RBFOX1: variants seen among roughly 807,000 people sequenced by gnomAD.
RBFOX1 encodes RNA binding protein fox-1 homolog 1.
RBFOX1 carries 8 observed loss-of-function variants against 57.7 expected under a neutral mutation model. The observed-to-expected ratio is 0.14, with a 90% CI of 0.08 to 0.25. RBFOX1 has a LOEUF of 0.25. Ranked by LOEUF, RBFOX1 falls within the 10% of genes least tolerant of loss-of-function variation. RBFOX1 has a pLI of 1.00. For missense variants in RBFOX1, 611 were observed against 548.5 expected, an observed-to-expected ratio of 1.11 and a Z score of -1.14; for synonymous variants, 326 against 222.4, an observed-to-expected ratio of 1.47 and a Z score of -4.15.
intron 4 of RBFOX1, among the ~76,000 whole-genome samples, chr16:5,961,512 A>T (rs554550547): frequency 2.6e-5 from 4 of 152,032 alleles, no homozygotes; most frequent in South Asian, 4.2e-4. Flanking sequence ...CAATAGTTTA[A>T]TTTTTTAATT....
chr16:7,208,881 A>C (rs917934168), intron 4 of RBFOX1, among the ~76,000 whole-genome samples: 2 of 152,052 alleles, frequency 1.3e-5, no homozygotes, highest in African/African-American at 4.8e-5. Context: ...CAGTTCTCCT[A>C]AGGACTAAGA....
intron 1 of RBFOX1, among the ~76,000 whole-genome samples, chr16:5,424,913 TTCTTTC>T (rs1567489843): frequency 3.2e-5 from 4 of 123,496 alleles, no homozygotes; most frequent in South Asian, 2.6e-4. Flanking sequence ...CTTTCTTTCT[TTCTTTC>T]TTTCTTTCTT....
chr16:5,633,245 T>C (rs1452752369), intron 3 of RBFOX1, among the ~76,000 whole-genome samples: 1 of 152,066 alleles, frequency 6.6e-6, no homozygotes, highest in Non-Finnish European at 1.5e-5. Context: ...CCAACAACTC[T>C]TTTACATCAG....
At chr16:7,026,482 C>A (rs921963100) in intron 3 of RBFOX1, among the ~76,000 whole-genome samples, 3 of 152,036 alleles carry the variant, frequency 2.0e-5, no homozygotes, top group African/African-American at 7.2e-5. Flanking sequence ...TTTCACACTT[C>A]CAATCTGCCT....
chr16:6,010,564 T>C (rs372779406), intron 4 of RBFOX1, among the ~76,000 whole-genome samples: 114 of 152,304 alleles, frequency 7.5e-4, no homozygotes, highest in Admixed American at 7.2e-4. Context: ...CAAATACTTA[T>C]CTCATGGTCG....
At chr16:5,785,356 T>C (rs1028500221) in intron 3 of RBFOX1, among the ~76,000 whole-genome samples, 19 of 152,086 alleles carry the variant, frequency 1.2e-4, no homozygotes, top group Admixed American at 2.0e-4. Flanking sequence ...AATTCTGAGC[T>C]TCTGCATCCC....
intron 4 of RBFOX1, among the ~76,000 whole-genome samples, chr16:7,094,795 G>GTGTGTGT (rs1567232876): frequency 3.4e-4 from 28 of 82,344 alleles, no homozygotes; most frequent in Non-Finnish European, 1.3e-4. Context: ...TGTGTGTTGA[G>GTGTGTGT]AGAGAGAGAG....
chr16:5,743,218 A>G (rs1377317230), intron 3 of RBFOX1, among the ~76,000 whole-genome samples: 1 of 152,226 alleles, frequency 6.6e-6, no homozygotes, highest in Non-Finnish European at 1.5e-5. Context: ...CTGAACAAAT[A>G]GAAGGCAGAA....
chr16:7,162,967 C>T (rs1432998335), intron 4 of RBFOX1, among the ~76,000 whole-genome samples: 2 of 152,096 alleles, frequency 1.3e-5, no homozygotes, highest in Admixed American at 1.3e-4. Flanking sequence ...GACCTTGGGC[C>T]AGTCACCTGG....
chr16:5,557,775 G>T (rs2045735235), intron 2 of RBFOX1, among the ~76,000 whole-genome samples: 1 of 152,192 alleles, frequency 6.6e-6, no homozygotes, highest in South Asian at 2.1e-4. Context: ...GAAGACCCAT[G>T]GCTGTAAGTG....
intron 15 of RBFOX1, chr16:7,709,593 C>G: frequency 6.5e-7 from 1 of 1,531,310 alleles, no homozygotes; most frequent in Non-Finnish European, 8.7e-7. Flanking sequence ...CCTCTCCTCC[C>G]CTATTACAAT....
At chr16:5,677,031 A>C (rs963235554) in intron 3 of RBFOX1, among the ~76,000 whole-genome samples, 1 of 152,346 alleles carries the variant, frequency 6.6e-6, no homozygotes, top group Non-Finnish European at 1.5e-5. Context: ...TTTCTTTTAG[A>C]AAATCAACTA....
intron 12 of RBFOX1, among the ~76,000 whole-genome samples, chr16:7,664,159 T>G (rs1319090708): frequency 6.6e-6 from 1 of 152,238 alleles, no homozygotes. Flanking sequence ...TAAATAAGTA[T>G]ACACATGCAT....
intron 4 of RBFOX1, among the ~76,000 whole-genome samples, chr16:7,379,286 T>G (rs1203009835): frequency 1.3e-5 from 2 of 152,226 alleles, no homozygotes; most frequent in Non-Finnish European, 2.9e-5. Context: ...CCCTGCCTCT[T>G]TCTGTCCAAA....
Position 6,613,376 on chromosome 16 carries a change from A to G in RBFOX1, c.-63-41227A>G, listed in dbSNP as rs2098095697. Among the ~76,000 whole-genome samples the G allele has an allele frequency of 2.6e-5, 4 of 152,198 alleles. No homozygotes were observed. The South Asian group carries it at 8.3e-4, about 32-fold the overall frequency. Reference sequence around the variant, plus strand: ...GGTTCTTAGCACACAGAAAATCCATATGAGAATGCCTAGGACAAAGCGGGG... The same window carrying G: ...GGTTCTTAGCACACAGAAAATCCATGTGAGAATGCCTAGGACAAAGCGGGG... On this transcript the variant is annotated intron_variant, in intron 2 of 15. Coordinates refer to ENST00000550418, the MANE Select transcript of RBFOX1 (RefSeq NM_018723.4).
At chr16:7,389,740 A>G (rs1320335195) in intron 4 of RBFOX1, among the ~76,000 whole-genome samples, 3 of 152,188 alleles carry the variant, frequency 2.0e-5, no homozygotes, top group Non-Finnish European at 2.9e-5. Flanking sequence ...ATAATTCAGC[A>G]ACAACACCAA....
chr16:7,062,033 C>A (rs138459611), intron 4 of RBFOX1, among the ~76,000 whole-genome samples: 1 of 151,898 alleles, frequency 6.6e-6, no homozygotes, highest in Non-Finnish European at 1.5e-5. Context: ...AAAATGGCAA[C>A]GAGGCCGGGT....
chr16:6,391,041 C>G (rs2092575594), intron 2 of RBFOX1, among the ~76,000 whole-genome samples: 1 of 152,130 alleles, frequency 6.6e-6, no homozygotes, highest in African/African-American at 2.4e-5. Context: ...ACGATAGTAC[C>G]TCGCACTCCT....
At chr16:6,227,337 C>G (rs1177500945) in intron 1 of RBFOX1, among the ~76,000 whole-genome samples, 1 of 152,138 alleles carries the variant, frequency 6.6e-6, no homozygotes, top group Non-Finnish European at 1.5e-5. Flanking sequence ...GTTGCCGGTG[C>G]TGCAGGCTTT....
Sources: gnomAD v4.1 joint callset for allele counts (sites outside exome capture counted in the v4.1 genomes callset) on GRCh38, gnomAD v4.1.1 for gene constraint, MANE v1.5 for transcripts, NCBI Gene and HGNC (gene_info 2026-07-23, HGNC 2026-07-21) for gene names.